DHRS3: variants seen among roughly 807,000 people sequenced by gnomAD.
DHRS3 encodes dehydrogenase/reductase 3, also known as short-chain dehydrogenase/reductase 3.
A neutral mutation model predicts 27.2 loss-of-function variants in DHRS3; 14 were observed. That is an observed-to-expected ratio of 0.52 (90% CI 0.34 to 0.81). DHRS3 has a LOEUF of 0.81. Among genes scored for constraint, DHRS3 ranks in the 30% least tolerant of loss-of-function variants. The pLI, the probability that DHRS3 is intolerant of heterozygous loss-of-function variation, is 0.01. For missense variants in DHRS3, 322 were observed against 406.2 expected (o/e 0.79, Z 1.78); for synonymous variants, 165 against 175.9 (o/e 0.94, Z 0.49).
At chr1:12,596,543 C>G (rs1372812954) in intron 1 of DHRS3, among the ~76,000 whole-genome samples, 1 of 151,950 alleles carries the variant, frequency 6.6e-6, no homozygotes, top group Non-Finnish European at 1.5e-5. Flanking sequence ...CTGTTTATCC[C>G]GCGGAGCTCC....
chr1:12,613,171 G>A (rs1646921702), intron 1 of DHRS3, among the ~76,000 whole-genome samples: 1 of 152,162 alleles, frequency 6.6e-6, no homozygotes, highest in Non-Finnish European at 1.5e-5. Context: ...AGCATCAGGA[G>A]CCACCAGGAG....
At position 12,601,843 on chromosome 1, in the gene DHRS3, G is replaced by A. The variant is rs1462128265; in HGVS notation, c.195+15311C>T. Among the ~76,000 whole-genome samples the A allele has an allele frequency of 2.0e-5, 3 of 152,208 alleles. No individual in the cohort carries two copies. The East Asian group carries it at 5.8e-4, about 29-fold the overall frequency. On this transcript the variant is annotated intron_variant, in intron 1 of 5. Transcript: ENST00000616661. ...GATGATAACGGTACCCACGCTGGAA[G>A]GTTACTTCGAGTAGTAAATGACCTT...
At chr1:12,600,168 C>T (rs1646825369) in intron 1 of DHRS3, among the ~76,000 whole-genome samples, 1 of 152,114 alleles carries the variant, frequency 6.6e-6, no homozygotes, top group Admixed American at 6.5e-5. Context: ...CTATGCTTTA[C>T]TGGCTCCTTG....
At position 12,609,784 on chromosome 1, in the gene DHRS3, A is replaced by G. The variant is rs1273701707; in HGVS notation, c.195+7370T>C. ...CTAGGTCTACCTGTCCTACATGGGA[A>G]CCTGTCTCCCTCAGTTCTTCCTCCC... On this transcript the variant is annotated intron_variant, in intron 1 of 5. Transcript: ENST00000616661. Among the ~76,000 whole-genome samples the G allele has an allele frequency of 2.6e-5, 4 of 151,944 alleles. No homozygotes were observed. The East Asian group carries it at 7.8e-4, about 29-fold the overall frequency.
chr1:12,582,805 A>C (rs1316581017), intron 1 of DHRS3, among the ~76,000 whole-genome samples: 6 of 149,800 alleles, frequency 4.0e-5, no homozygotes, highest in African/African-American at 1.5e-4. Context: ...TATCCACCAC[A>C]CTTCATCCAT....
intron 1 of DHRS3, among the ~76,000 whole-genome samples, chr1:12,600,816 C>T (rs1426092918): frequency 6.6e-6 from 1 of 152,336 alleles, no homozygotes; most frequent in East Asian, 1.9e-4. Flanking sequence ...CACAGTCTAT[C>T]TCTCTATCTA....
chr1:12,608,826 C>T lies in DHRS3; in HGVS notation c.195+8328G>A, dbSNP rs12065616. Reference sequence around the variant, plus strand: ...GAACCATCTAGAACAGGTCCCATGCCTCTGTGGTACTGGAATGCAGCTGAT... The same window carrying T: ...GAACCATCTAGAACAGGTCCCATGCTTCTGTGGTACTGGAATGCAGCTGAT... On this transcript the variant is annotated intron_variant, in intron 1 of 5. Transcript: ENST00000616661. This position sits in a 1 kb window ranked among gnomAD's most constrained non-coding sequence, Gnocchi z 4.1. Among the ~76,000 whole-genome samples, 3,478 of 152,258 alleles carry T rather than the reference C, an allele frequency of 0.023. 118 individuals are homozygous for T. Among genetic ancestry groups the T allele is most frequent in the African/African-American group, 0.079 (3,273 of 41,530 alleles).
At chr1:12,595,015 T>G (rs1424910103) in intron 1 of DHRS3, among the ~76,000 whole-genome samples, 14 of 152,072 alleles carry the variant, frequency 9.2e-5, no homozygotes, top group Non-Finnish European at 1.9e-4. Flanking sequence ...GAGGGTTGGC[T>G]CTGGCAAGCC....
At chr1:12,570,663 A>T (rs187946283) in intron 5 of DHRS3, among the ~76,000 whole-genome samples, 1 of 152,188 alleles carries the variant, frequency 6.6e-6, no homozygotes, top group Non-Finnish European at 1.5e-5. Context: ...TTCTAGACCA[A>T]CTTTTCTCTA....
At chr1:12,571,222 G>C (rs746164174) in intron 5 of DHRS3, among the ~76,000 whole-genome samples, 1 of 152,224 alleles carries the variant, frequency 6.6e-6, no homozygotes, top group Non-Finnish European at 1.5e-5. Context: ...GGATGGGAAG[G>C]ATTTGCTGCA....
intron 5 of DHRS3, among the ~76,000 whole-genome samples, chr1:12,569,598 C>T (rs1448368026): frequency 6.6e-6 from 1 of 152,090 alleles, no homozygotes; most frequent in African/African-American, 2.4e-5. Context: ...CAGAGTCTCA[C>T]TCTGTTGCCC....
At chr1:12,617,121 C>T (rs749210923) in intron 1 of DHRS3, 33 bp downstream of exon 1, 9 of 1,588,806 alleles carry the variant, frequency 5.7e-6, no homozygotes, top group Admixed American at 5.1e-5. Context: ...GCCCCTGCGG[C>T]CCCCCACTCC....
At position 12,586,397 on chromosome 1, in the gene DHRS3, C is replaced by T. The variant is rs974616482; in HGVS notation, c.196-5731G>A. Among the ~76,000 whole-genome samples, 23 of 152,202 alleles carry T rather than the reference C, an allele frequency of 1.5e-4. No individual in the cohort carries two copies. The highest frequency in any genetic ancestry group is 2.6e-4 in the Non-Finnish European group (18 of 68,038). Reference sequence around the variant, plus strand: ...TCTCCTCACATGCAACCCCACGCCCCGCGTTCATCCCCACCCAGCCAGCCT... The same window carrying T: ...TCTCCTCACATGCAACCCCACGCCCTGCGTTCATCCCCACCCAGCCAGCCT... On this transcript the variant is annotated intron_variant, in intron 1 of 5. Transcript: ENST00000616661. This position sits in a 1 kb window ranked among gnomAD's most constrained non-coding sequence, Gnocchi z 5.0.
Position 12,586,941 on chromosome 1 carries a change from G to A in DHRS3, c.196-6275C>T, listed in dbSNP as rs890171039. ...TCCCTGTTGGTATTTCCCGTGGGGAGGAAAAGCTGAGAAAATCATAGCACT... is the reference window on the plus strand; with the variant it reads ...TCCCTGTTGGTATTTCCCGTGGGGAAGAAAAGCTGAGAAAATCATAGCACT... On this transcript the variant is annotated intron_variant, in intron 1 of 5. Coordinates refer to ENST00000616661, the MANE Select transcript of DHRS3 (RefSeq NM_004753.7). The surrounding 1 kb of genome is among the most constrained non-coding windows in gnomAD (Gnocchi z 5.0). Among the ~76,000 whole-genome samples the A allele has an allele frequency of 1.3e-5, 2 of 152,072 alleles. No homozygotes were observed. Among genetic ancestry groups the A allele is most frequent in the Admixed American group, 1.3e-4 (2 of 15,266 alleles).
At chr1:12,604,744 C>CT (rs1300604441) in intron 1 of DHRS3, among the ~76,000 whole-genome samples, 1 of 152,218 alleles carries the variant, frequency 6.6e-6, no homozygotes, top group Non-Finnish European at 1.5e-5. Context: ...GCCACTTCAC[C>CT]TGGATCTCAG....
intron 2 of DHRS3, 56 bp downstream of exon 2, chr1:12,580,467 C>A: frequency 6.2e-7 from 1 of 1,612,738 alleles, no homozygotes; most frequent in South Asian, 1.1e-5. Context: ...GTTCTCTTTG[C>A]CCGGAATTAG....
At position 12,593,607 on chromosome 1, in the gene DHRS3, C is replaced by G. The variant is rs1449212920; in HGVS notation, c.196-12941G>C. ...GCTCTGATTTGATTTACAAATCTAC[C>G]CTTCTTTGATTTCCTCCTTCCCAGT... is the stretch of plus-strand genomic sequence containing the variant. On this transcript the variant is annotated intron_variant, in intron 1 of 5. Coordinates refer to ENST00000616661, the MANE Select transcript of DHRS3 (RefSeq NM_004753.7). This position sits in a 1 kb window ranked among gnomAD's most constrained non-coding sequence, Gnocchi z 4.6. Among the ~76,000 whole-genome samples, 2 of 152,086 alleles carry G rather than the reference C, an allele frequency of 1.3e-5. No individual in the cohort carries two copies. Among genetic ancestry groups the G allele is most frequent in the East Asian group, 3.9e-4 (2 of 5,184 alleles).
intron 2 of DHRS3, chr1:12,579,705 T>C: frequency 3.4e-6 from 1 of 290,728 alleles, no homozygotes; most frequent in Non-Finnish European, 6.5e-6. Context: ...TGTTCTGACC[T>C]CAAGTGACCC....
At chr1:12,576,572 A>AG (rs150217881) in intron 4 of DHRS3, among the ~76,000 whole-genome samples, 2 of 151,094 alleles carry the variant, frequency 1.3e-5, no homozygotes, top group East Asian at 3.9e-4. Context: ...AAAAAAAAAA[A>AG]CAAAACAAAA....
Sources: gnomAD v4.1 joint callset for allele counts (sites outside exome capture counted in the v4.1 genomes callset) on GRCh38, gnomAD v4.1.1 for gene constraint, Gnocchi (gnomAD v3.1) non-coding constraint, MANE v1.5 for transcripts, NCBI Gene and HGNC (gene_info 2026-07-23, HGNC 2026-07-21) for gene names.